The following SAMD4A variants were observed in gnomAD, a reference collection of about 807,000 sequenced individuals.
SAMD4A encodes the protein sterile alpha motif domain containing 4A, also known as protein Smaug homolog 1.
In SAMD4A, 33 loss-of-function variants were observed where a neutral mutation model predicts 81.3. The ratio of observed to expected loss-of-function variants is 0.41; its 90% CI spans 0.31 to 0.54. SAMD4A has a LOEUF of 0.54. Among genes scored for constraint, SAMD4A ranks in the 20% least tolerant of loss-of-function variants. SAMD4A has a pLI of 0.37. For missense variants in SAMD4A, 854 were observed against 951.1 expected (o/e 0.90, Z 1.34); for synonymous variants, 389 against 382.1 (o/e 1.02, Z -0.21).
chr14:54,747,606 T>TA (rs1476209511), intron 4 of SAMD4A, among the ~76,000 whole-genome samples: 3 of 152,244 alleles, frequency 2.0e-5, no homozygotes, highest in Non-Finnish European at 2.9e-5. Context: ...TAATACTTCA[T>TA]AAAAAACAGG....
chr14:54,577,277 G>A (rs752069606), intron 2 of SAMD4A, among the ~76,000 whole-genome samples: 1 of 152,204 alleles, frequency 6.6e-6, no homozygotes, highest in Non-Finnish European at 1.5e-5. Context: ...TCTCAAAGAC[G>A]CCCCAAGGCA....
chr14:54,766,444 C>G (rs1280851162), intron 8 of SAMD4A, among the ~76,000 whole-genome samples: 1 of 152,128 alleles, frequency 6.6e-6, no homozygotes, highest in African/African-American at 2.4e-5. Context: ...TAAGGTCATC[C>G]CTGAGTGCCC....
intron 2 of SAMD4A, among the ~76,000 whole-genome samples, chr14:54,634,410 C>T (rs569529788): frequency 5.9e-5 from 9 of 152,184 alleles, no homozygotes; most frequent in Middle Eastern, 3.4e-3. Context: ...TCTGTATCAG[C>T]GGTCCCCCAC....
At position 54,688,317 on chromosome 14, in the gene SAMD4A, C is replaced by T. The variant is rs935409488; in HGVS notation, c.197-13745C>T. ...CGTTTAGAGGTAACGTACTGGCTCT[C>T]ACGCCCAGGCTTCTCTGGGCTTCTG... On this transcript the variant is annotated intron_variant, in intron 2 of 12. Coordinates refer to ENST00000554335, the MANE Select transcript of SAMD4A (RefSeq NM_015589.6). The T allele has an allele frequency of 1.3e-5, 13 of 985,416 alleles. No individual in the cohort carries two copies. In the African/African-American group the frequency reaches 1.7e-4, roughly 13 times the overall value. The allele number at this position is 985,416 out of a possible 1,614,324, so 61.0% of individuals were successfully genotyped here.
At chr14:54,592,966 ATAT>A (rs1240966238) in intron 2 of SAMD4A, among the ~76,000 whole-genome samples, 2 of 152,196 alleles carry the variant, frequency 1.3e-5, no homozygotes, top group African/African-American at 4.8e-5. Context: ...ATTTAATGTT[ATAT>A]TATGAGCATT....
intron 3 of SAMD4A, among the ~76,000 whole-genome samples, chr14:54,710,423 A>T (rs895158216): frequency 1.3e-5 from 2 of 152,176 alleles, no homozygotes; most frequent in Non-Finnish European, 1.5e-5. Context: ...CCCATTTAAC[A>T]GCTAAGGGAA....
Position 54,764,382 on chromosome 14 carries a change from G to A in SAMD4A, c.1511-73G>A. 3.0e-6 allele frequency: 3 copies of A among 1,009,738 alleles called. No individual in the cohort carries two copies. In the South Asian group the frequency reaches 4.3e-5, roughly 15 times the overall value. 62.5% of individuals were successfully genotyped at this position (1,009,738 alleles called of 1,614,324 possible). A position where few individuals can be genotyped will look rare whatever the true frequency, so the allele number is the denominator to read the frequency against. The stretch of plus-strand genomic sequence containing the variant: ...ACCTCTCAGAGTGTTGGACCTGAAG[G>A]GAAATGAGAGTCAGGTCCCAGAGAT... On this transcript the variant is annotated intron_variant, in intron 7 of 12. Coordinates refer to ENST00000554335, the MANE Select transcript of SAMD4A (RefSeq NM_015589.6).
chr14:54,633,652 G>A (rs1304263378), intron 2 of SAMD4A, among the ~76,000 whole-genome samples: 1 of 152,030 alleles, frequency 6.6e-6, no homozygotes, highest in African/African-American at 2.4e-5. Context: ...GATGGGGAGG[G>A]GGCAGGAGGA....
chr14:54,732,990 ATACT>A (rs1411976678), intron 3 of SAMD4A, among the ~76,000 whole-genome samples: 1 of 152,206 alleles, frequency 6.6e-6, no homozygotes, highest in Non-Finnish European at 1.5e-5. Flanking sequence ...TTTAAAGAAA[ATACT>A]TAAATGAACA....
At position 54,603,755 on chromosome 14, in the gene SAMD4A, TAA is replaced by T. The variant is rs201248388; in HGVS notation, c.196+35656_196+35657del. 6.1e-3 allele frequency among the ~76,000 whole-genome samples: 891 copies of T among 145,160 alleles called. 8 individuals carry two copies. The highest frequency in any genetic ancestry group is 0.021 in the African/African-American group (846 of 39,722). On this transcript the variant is annotated intron_variant, in intron 2 of 12. Transcript: ENST00000554335. ...TCAGCATCCTAGAAGGCCTTTTCTTTAAAAAAAAAAAAAAGAACTTTTGTATT... is the reference window on the plus strand; with the variant it reads ...TCAGCATCCTAGAAGGCCTTTTCTTTAAAAAAAAAAAAGAACTTTTGTATT...
chr14:54,637,458 A>C (rs936700474), intron 2 of SAMD4A, among the ~76,000 whole-genome samples: 30 of 151,486 alleles, frequency 2.0e-4, no homozygotes, highest in African/African-American at 7.3e-4. Flanking sequence ...GCAGAAAGCC[A>C]GGAGAGGGTG....
Position 54,702,130 on chromosome 14 carries a change from T to C in SAMD4A, c.265T>C (p.Leu89=), listed in dbSNP as rs1323278144. The C allele has an allele frequency of 5.0e-6, 8 of 1,614,080 alleles. No individual in the cohort carries two copies. Among genetic ancestry groups the C allele is most frequent in the East Asian group, 2.2e-5 (1 of 44,896 alleles). ...TTCCCTCCTGTTAACTCATCTGCCT[T>C]TGCTGAAGCCAGGAAACCTCGACGC... ...VISLLLTHLP[L]LKPGNLDAKV... is the part of the protein sequence containing the mutation. The change falls in exon 3 of 13, where the codon TTG becomes CTG. Residue 89 remains leucine, a synonymous_variant. Transcript: ENST00000554335.
chr14:54,626,766 A>T (rs934689577), intron 2 of SAMD4A, among the ~76,000 whole-genome samples: 1 of 152,220 alleles, frequency 6.6e-6, no homozygotes, highest in Non-Finnish European at 1.5e-5. Context: ...ATTCTGGTAG[A>T]ATAGCAATAC....
intron 2 of SAMD4A, among the ~76,000 whole-genome samples, chr14:54,615,369 TC>T (rs2140281982): frequency 6.6e-6 from 1 of 152,352 alleles, no homozygotes; most frequent in South Asian, 2.1e-4. Flanking sequence ...ATACAAAACC[TC>T]TGCCAATGTT....
At chr14:54,729,886 A>G (rs2037516380) in intron 3 of SAMD4A, among the ~76,000 whole-genome samples, 1 of 152,204 alleles carries the variant, frequency 6.6e-6, no homozygotes, top group African/African-American at 2.4e-5. Context: ...TTCTATTTAA[A>G]GTATATACAT....
Position 54,760,423 on chromosome 14 carries a change from A to G in SAMD4A, c.1439A>G (p.Asp480Gly). The change falls in exon 7 of 13, where the codon GAT (aspartate) becomes GGT (glycine). Residue 480 changes from aspartate to glycine, a missense_variant. Asp to Gly is a moderately conservative substitution (Grantham distance 94). Transcript: ENST00000554335. ...GLQPHQLSSC[D>G]GELAVAPLPE... is the part of the protein sequence containing the mutation. ...CAGCCGCACCAGCTGAGCAGCTGCG[A>G]TGGGGAGCTGGCCGTCGCCCCCCTG... is the stretch of plus-strand genomic sequence containing the variant. The G allele has an allele frequency of 6.9e-7, 1 of 1,445,644 alleles. No individual in the cohort carries two copies. Among genetic ancestry groups the G allele is most frequent in the Non-Finnish European group, 9.0e-7 (1 of 1,110,100 alleles). The allele number at this position is 1,445,644 out of a possible 1,614,324, so 89.6% of individuals were successfully genotyped here. A position where few individuals can be genotyped will look rare whatever the true frequency, so the allele number is the denominator to read the frequency against.
At chr14:54,699,727 A>G (rs1338368440) in intron 2 of SAMD4A, among the ~76,000 whole-genome samples, 1 of 152,194 alleles carries the variant, frequency 6.6e-6, no homozygotes, top group Non-Finnish European at 1.5e-5. Context: ...TTAGAATACC[A>G]TATATGGCTT....
chr14:54,647,610 G>A (rs568613980), intron 2 of SAMD4A, among the ~76,000 whole-genome samples: 50 of 152,324 alleles, frequency 3.3e-4, no homozygotes, highest in East Asian at 3.9e-4. Context: ...TTTACTCTGC[G>A]TAGAAGAGAA....
chr14:54,769,550 G>A (rs2038646931), intron 8 of SAMD4A, among the ~76,000 whole-genome samples: 1 of 152,162 alleles, frequency 6.6e-6, no homozygotes, highest in Non-Finnish European at 1.5e-5. Context: ...GTTTAAGTCA[G>A]GACTGGTACA....
Sources: gnomAD v4.1 joint callset for allele counts (sites outside exome capture counted in the v4.1 genomes callset) on GRCh38, gnomAD v4.1.1 for gene constraint, MANE v1.5 for transcripts, NCBI Gene and HGNC (gene_info 2026-07-23, HGNC 2026-07-21) for gene names.